ADAMTS6: variants seen among roughly 807,000 people sequenced by gnomAD.
ADAMTS6 encodes the protein ADAM metallopeptidase with thrombospondin type 1 motif 6, also known as A disintegrin and metalloproteinase with thrombospondin motifs 6.
Under a neutral mutation model 144.3 loss-of-function variants are expected in ADAMTS6, and 23 were observed. The observed-to-expected ratio is 0.16, with a 90% confidence interval of 0.11 to 0.23. The LOEUF is 0.23. Among genes scored for constraint, ADAMTS6 ranks in the 10% least tolerant of loss-of-function variants. The pLI, the probability that ADAMTS6 is intolerant of heterozygous loss-of-function variation, is 1.00. For synonymous variants in ADAMTS6, 444 were observed against 457.5 expected (o/e 0.97, Z 0.38); for missense variants, 999 against 1,379.6 (o/e 0.72, Z 4.37).
chr5:65,246,359 T>C (rs544617625), intron 14 of ADAMTS6, among the ~76,000 whole-genome samples: 16 of 152,318 alleles, frequency 1.1e-4, no homozygotes, highest in African/African-American at 3.8e-4. Flanking sequence ...CTTCTCATTT[T>C]AGCAAGTATT....
chr5:65,342,993 G>A (rs577145228), intron 7 of ADAMTS6, among the ~76,000 whole-genome samples: 1 of 152,042 alleles, frequency 6.6e-6, no homozygotes, highest in South Asian at 2.1e-4. Flanking sequence ...TTTAACCGAG[G>A]AGGTGAAAAA....
chr5:65,176,834 C>T (rs1464505635), intron 22 of ADAMTS6, among the ~76,000 whole-genome samples: 1 of 152,122 alleles, frequency 6.6e-6, no homozygotes, highest in African/African-American at 2.4e-5. Context: ...TGGTGTTTGG[C>T]TTCTTTGGTC....
intron 24 of ADAMTS6, among the ~76,000 whole-genome samples, chr5:65,159,342 C>G (rs986948097): frequency 2.6e-5 from 4 of 152,214 alleles, no homozygotes; most frequent in Non-Finnish European, 5.9e-5. Flanking sequence ...CACTTGTTCC[C>G]TATAACCCAA....
intron 7 of ADAMTS6, among the ~76,000 whole-genome samples, chr5:65,448,535 C>A (rs1758457711): frequency 4.0e-5 from 6 of 151,848 alleles, no homozygotes; most frequent in Admixed American, 3.9e-4. Flanking sequence ...TCACTGCAAG[C>A]TCCACCTCCC....
At chr5:65,267,986 G>A (rs6449778) in intron 12 of ADAMTS6, among the ~76,000 whole-genome samples, 88,256 of 152,070 alleles carry the variant, frequency 0.58, 26,579 homozygotes, top group African/African-American at 0.75. Context: ...ATACTATTTA[G>A]ATTTCTACAG....
At chr5:65,433,393 C>T (rs967244169) in intron 7 of ADAMTS6, among the ~76,000 whole-genome samples, 3 of 152,098 alleles carry the variant, frequency 2.0e-5, no homozygotes, top group African/African-American at 7.2e-5. Context: ...TACCAACAAA[C>T]AGACGGCAAG....
At chr5:65,476,930 T>C (rs1366260632) in intron 1 of ADAMTS6, among the ~76,000 whole-genome samples, 1 of 152,168 alleles carries the variant, frequency 6.6e-6, no homozygotes, top group African/African-American at 2.4e-5. Context: ...TTATAAGTGG[T>C]ATTGGTTAGT....
At chr5:65,210,658 T>G in intron 20 of ADAMTS6, 1 of 617,354 alleles carries the variant, frequency 1.6e-6, no homozygotes, top group East Asian at 3.5e-5. Context: ...TACCAAACAA[T>G]TCCCTGGTTA....
At chr5:65,347,363 T>C (rs1748425620) in intron 7 of ADAMTS6, among the ~76,000 whole-genome samples, 1 of 152,008 alleles carries the variant, frequency 6.6e-6, no homozygotes, top group Non-Finnish European at 1.5e-5. Flanking sequence ...TATACTCAAT[T>C]GATCTTTGAT....
At chr5:65,289,931 G>A (rs750383472) in intron 11 of ADAMTS6, among the ~76,000 whole-genome samples, 6 of 152,084 alleles carry the variant, frequency 3.9e-5, no homozygotes, top group Non-Finnish European at 5.9e-5. Flanking sequence ...ATTAAAGTTC[G>A]ACTGACTTTT....
At chr5:65,210,526 G>T in intron 20 of ADAMTS6, 8 of 407,036 alleles carry the variant, frequency 2.0e-5, no homozygotes, top group Middle Eastern at 7.8e-4. Context: ...GGAAAGCATT[G>T]ATGTTCAACC....
At chr5:65,453,262 T>C (rs991239421) in intron 4 of ADAMTS6, among the ~76,000 whole-genome samples, 3 of 152,198 alleles carry the variant, frequency 2.0e-5, no homozygotes, top group African/African-American at 7.2e-5. Context: ...TTTAAAGTTA[T>C]TTAAAAAGCA....
intron 9 of ADAMTS6, among the ~76,000 whole-genome samples, chr5:65,308,476 A>C (rs1744159982): frequency 1.3e-5 from 2 of 152,010 alleles, no homozygotes; most frequent in South Asian, 4.1e-4. Flanking sequence ...GCTGGTAATC[A>C]ATTTTTTTCA....
intron 7 of ADAMTS6, among the ~76,000 whole-genome samples, chr5:65,440,427 C>T (rs1187197091): frequency 2.0e-5 from 3 of 152,118 alleles, no homozygotes; most frequent in African/African-American, 7.2e-5. Context: ...AAATTCAATG[C>T]CATGAAACAG....
intron 8 of ADAMTS6, among the ~76,000 whole-genome samples, chr5:65,330,115 T>C: frequency 6.6e-6 from 1 of 152,104 alleles, no homozygotes; most frequent in Non-Finnish European, 1.5e-5. Flanking sequence ...CAGTGTCGTT[T>C]TTCCTCTCTC....
chr5:65,249,414 T>G (rs1759950450), intron 14 of ADAMTS6, among the ~76,000 whole-genome samples: 1 of 151,862 alleles, frequency 6.6e-6, no homozygotes, highest in Non-Finnish European at 1.5e-5. Flanking sequence ...ACTGCATATG[T>G]GGGCAGCCCA....
At chr5:65,344,556 ATTG>A (rs1438241020) in intron 7 of ADAMTS6, among the ~76,000 whole-genome samples, 1 of 151,860 alleles carries the variant, frequency 6.6e-6, no homozygotes, top group Non-Finnish European at 1.5e-5. Flanking sequence ...AGAATTCTCT[ATTG>A]TTGAAAATTT....
At chr5:65,194,952 C>T (rs1441260238) in intron 21 of ADAMTS6, among the ~76,000 whole-genome samples, 2 of 152,146 alleles carry the variant, frequency 1.3e-5, no homozygotes, top group African/African-American at 2.4e-5. Context: ...AAATGACCAA[C>T]AACTGAAATC....
At chr5:65,209,559 G>C (rs1199538829) in intron 20 of ADAMTS6, among the ~76,000 whole-genome samples, 1 of 152,204 alleles carries the variant, frequency 6.6e-6, no homozygotes, top group Non-Finnish European at 1.5e-5. Context: ...TGTAGCATTA[G>C]ATTTGTCACT....
Sources: gnomAD v4.1 joint callset for allele counts (sites outside exome capture counted in the v4.1 genomes callset) on GRCh38, gnomAD v4.1.1 for gene constraint, MANE v1.5 for transcripts, NCBI Gene and HGNC (gene_info 2026-07-23, HGNC 2026-07-21) for gene names.